The following PDE3B variants were observed in gnomAD, a reference collection of about 807,000 sequenced individuals.
PDE3B encodes phosphodiesterase 3B.
In PDE3B, 66 loss-of-function variants were observed where a neutral mutation model predicts 116.8. That is an observed-to-expected ratio of 0.56 (90% CI 0.46 to 0.69). The LOEUF is 0.69. PDE3B is among the 30% of genes least tolerant of loss of function. The pLI is 0.00. For missense variants in PDE3B, 1,384 were observed against 1,368.1 expected (o/e 1.01, Z -0.18); for synonymous variants, 595 against 533.6 (o/e 1.12, Z -1.59).
chr11:14,867,431 G>A, intron 14 of PDE3B, 75 bp from the exon 15 acceptor site: 1 of 1,305,574 alleles, frequency 7.7e-7, no homozygotes, highest in Non-Finnish European at 1.1e-6. Flanking sequence ...AAAAACTCAA[G>A]ATAATTTTAA....
At position 14,712,609 on chromosome 11, in the gene PDE3B, G is replaced by A. The variant is rs763608151; in HGVS notation, c.979-59328G>A. Among the ~76,000 whole-genome samples, 17 of 151,128 alleles carry A rather than the reference G, an allele frequency of 1.1e-4. No homozygotes were observed. In the Admixed American group the frequency reaches 1.1e-3, roughly 10 times the overall value. ...CCTGCCTCAGCCTCCCGAGTAGCTC[G>A]GCTTACAGGTGCACAGCACCACACC... On this transcript the variant is annotated intron_variant, in intron 1 of 15. Coordinates refer to ENST00000282096, the MANE Select transcript of PDE3B (RefSeq NM_000922.4).
chr11:14,758,773 T>G (rs1383547280), intron 1 of PDE3B, among the ~76,000 whole-genome samples: 1 of 151,700 alleles, frequency 6.6e-6, no homozygotes, highest in Non-Finnish European at 1.5e-5. Flanking sequence ...TTCTCCTGCC[T>G]AATTGTCCTG....
chr11:14,765,321 A>G (rs1490500232), intron 1 of PDE3B, among the ~76,000 whole-genome samples: 2 of 151,976 alleles, frequency 1.3e-5, no homozygotes, highest in Non-Finnish European at 2.9e-5. Flanking sequence ...AGAACAATGA[A>G]ATAAAGCCTC....
intron 7 of PDE3B, among the ~76,000 whole-genome samples, chr11:14,820,722 A>G (rs1859492532): frequency 6.6e-6 from 1 of 152,112 alleles, no homozygotes; most frequent in African/African-American, 2.4e-5. Context: ...CCCTTATAAA[A>G]GAACCCCAGA....
chr11:14,683,790 T>C (rs1160725038), intron 1 of PDE3B, among the ~76,000 whole-genome samples: 1 of 152,192 alleles, frequency 6.6e-6, no homozygotes, highest in Non-Finnish European at 1.5e-5. Context: ...TATTCTTTTC[T>C]AATATAAGCA....
intron 1 of PDE3B, among the ~76,000 whole-genome samples, chr11:14,682,657 A>G (rs1210913623): frequency 6.6e-6 from 1 of 152,170 alleles, no homozygotes. Flanking sequence ...ACAGCTTTGC[A>G]TTCCTAGTAT....
intron 1 of PDE3B, among the ~76,000 whole-genome samples, chr11:14,697,202 T>G (rs1855231961): frequency 6.6e-6 from 1 of 152,130 alleles, no homozygotes; most frequent in African/African-American, 2.4e-5. Context: ...CCTTCCAAGG[T>G]GCAGAGTCTA....
At chr11:14,688,213 C>A (rs995767479) in intron 1 of PDE3B, among the ~76,000 whole-genome samples, 26 of 146,050 alleles carry the variant, frequency 1.8e-4, no homozygotes, top group African/African-American at 6.2e-4. Flanking sequence ...TCGGAGAGAA[C>A]ATGAGTATTT....
intron 1 of PDE3B, among the ~76,000 whole-genome samples, chr11:14,648,025 G>A (rs552016566): frequency 6.6e-6 from 1 of 151,228 alleles, no homozygotes; most frequent in Non-Finnish European, 1.5e-5. Context: ...AAGAAGCACT[G>A]AGTTTGTAGT....
At chr11:14,860,352 C>T (rs1555006903) in intron 13 of PDE3B, among the ~76,000 whole-genome samples, 2 of 151,802 alleles carry the variant, frequency 1.3e-5, no homozygotes, top group Non-Finnish European at 2.9e-5. Flanking sequence ...CAAGTGTTTT[C>T]TATGGTGGTG....
chr11:14,679,319 T>A (rs1789907687), intron 1 of PDE3B, among the ~76,000 whole-genome samples: 3 of 152,314 alleles, frequency 2.0e-5, no homozygotes, highest in African/African-American at 7.2e-5. Flanking sequence ...TGACATTTTT[T>A]AGGCTCTTGA....
Position 14,869,729 on chromosome 11 carries a change from T to C in PDE3B, c.*69T>C. On this transcript the variant is annotated 3_prime_UTR_variant, in exon 16 of 16. Coordinates refer to ENST00000282096, the MANE Select transcript of PDE3B (RefSeq NM_000922.4). ...GGGTTGTGCCCAGGGGCAGAAATCA[T>C]TGCCTAGTGTTCACCGGCTGACTCT... The C allele has an allele frequency of 7.8e-7, 1 of 1,286,586 alleles. No homozygotes were observed. Among genetic ancestry groups the C allele is most frequent in the Non-Finnish European group, 1.1e-6 (1 of 904,774 alleles). 79.7% of individuals were successfully genotyped at this position (1,286,586 alleles called of 1,614,324 possible). A position where few individuals can be genotyped will look rare whatever the true frequency, so the allele number is the denominator to read the frequency against.
intron 1 of PDE3B, among the ~76,000 whole-genome samples, chr11:14,676,559 T>C (rs781532960): frequency 1.6e-4 from 25 of 152,084 alleles, no homozygotes; most frequent in Non-Finnish European, 2.9e-4. Flanking sequence ...GAGTGAGAGG[T>C]GAGTGAATGG....
intron 7 of PDE3B, among the ~76,000 whole-genome samples, chr11:14,823,387 C>A (rs1260853656): frequency 1.3e-5 from 2 of 152,130 alleles, no homozygotes; most frequent in Non-Finnish European, 2.9e-5. Context: ...GGATGGAGTT[C>A]CCAGAGGGAG....
chr11:14,781,038 CT>C (rs1250063694), intron 2 of PDE3B, among the ~76,000 whole-genome samples: 4 of 152,162 alleles, frequency 2.6e-5, no homozygotes, highest in African/African-American at 9.7e-5. Context: ...GTAAACACCC[CT>C]AAGCAAATAA....
At position 14,744,453 on chromosome 11, in the gene PDE3B, T is replaced by G. The variant is rs551969828; in HGVS notation, c.979-27484T>G. ...GTTTTTCCATTTAGTTAGGTCTTCT[T>G]TACTTTCTTTCAGCAATGTTTTGTA... On this transcript the variant is annotated intron_variant, in intron 1 of 15. Transcript: ENST00000282096. Among the ~76,000 whole-genome samples the G allele has an allele frequency of 4.7e-4, 71 of 152,346 alleles. 1 individual carries two copies. Among genetic ancestry groups the G allele is most frequent in the African/African-American group, 1.6e-3 (66 of 41,588 alleles).
chr11:14,766,619 A>G (rs1857504667), intron 1 of PDE3B, among the ~76,000 whole-genome samples: 1 of 151,594 alleles, frequency 6.6e-6, no homozygotes, highest in Admixed American at 6.6e-5. Context: ...TTAACATTGA[A>G]CTCAGCATAA....
the PDE3B span, among the ~76,000 whole-genome samples, chr11:14,889,057 C>A: frequency 6.6e-6 from 1 of 152,104 alleles, no homozygotes; most frequent in Non-Finnish European, 1.5e-5. Flanking sequence ...GTCCTGAGGA[C>A]TGGCTGTTTA....
intron 1 of PDE3B, among the ~76,000 whole-genome samples, chr11:14,695,693 G>C (rs948118261): frequency 1.3e-5 from 2 of 151,238 alleles, no homozygotes; most frequent in Non-Finnish European, 2.9e-5. Context: ...ACAGGCCCCA[G>C]CAAGTATTGT....
Sources: gnomAD v4.1 joint callset for allele counts (sites outside exome capture counted in the v4.1 genomes callset) on GRCh38, gnomAD v4.1.1 for gene constraint, MANE v1.5 for transcripts, NCBI Gene and HGNC (gene_info 2026-07-23, HGNC 2026-07-21) for gene names.